RASEF: variants seen among roughly 807,000 people sequenced by gnomAD.
The protein encoded by RASEF is RAS and EF-hand domain containing, also known as ras and EF-hand domain-containing protein.
In RASEF, 68 loss-of-function variants were observed where a neutral mutation model predicts 90.1. The ratio of observed to expected loss-of-function variants is 0.75; its 90% confidence interval spans 0.62 to 0.92. RASEF has a LOEUF of 0.92. Among genes scored for constraint, RASEF ranks in the 40% least tolerant of loss-of-function variants. The pLI, the probability that RASEF is intolerant of heterozygous loss-of-function variation, is 0.00. For synonymous variants in RASEF, 331 were observed against 345.2 expected, an observed-to-expected ratio of 0.96 and a Z score of 0.46; for missense variants, 949 against 937.2, an observed-to-expected ratio of 1.01 and a Z score of -0.16.
At chr9:83,097,754 G>T in the RASEF span, among the ~76,000 whole-genome samples, 1 of 152,280 alleles carries the variant, frequency 6.6e-6, no homozygotes, top group East Asian at 1.9e-4. Context: ...AGGTCTTTCT[G>T]CACACAGAGG....
the RASEF span, among the ~76,000 whole-genome samples, chr9:83,093,847 C>T: frequency 6.6e-6 from 1 of 152,238 alleles, no homozygotes; most frequent in Non-Finnish European, 1.5e-5. Context: ...GGTGTGAGGA[C>T]TGCCAGCACG....
the RASEF span, among the ~76,000 whole-genome samples, chr9:83,090,384 TC>T: frequency 6.6e-6 from 1 of 152,010 alleles, no homozygotes; most frequent in East Asian, 1.9e-4. Context: ...CTGCTTTCTT[TC>T]CCCTGTGTGT....
upstream of RASEF, among the ~76,000 whole-genome samples, chr9:83,067,867 TTTATTTA>T (rs1482855204): frequency 6.6e-6 from 1 of 152,168 alleles, no homozygotes; most frequent in Non-Finnish European, 1.5e-5. Context: ...GTTTGTGTTT[TTTATTTA>T]TTATTTATGT....
At chr9:83,113,842 A>G in the RASEF span, among the ~76,000 whole-genome samples, 1 of 152,334 alleles carries the variant, frequency 6.6e-6, no homozygotes, top group Admixed American at 6.5e-5. Context: ...GACCCTCATC[A>G]GTAATTCTAA....
At chr9:83,063,277 G>A (rs192340016), upstream of RASEF, 18 of 189,540 alleles carry the variant, frequency 9.5e-5, no homozygotes, top group Admixed American at 1.3e-4. Flanking sequence ...CCGCGCAGGT[G>A]GGGGAGACCT....
At chr9:83,039,220 G>C (rs1829795578) in intron 1 of RASEF, among the ~76,000 whole-genome samples, 1 of 152,064 alleles carries the variant, frequency 6.6e-6, no homozygotes, top group African/African-American at 2.4e-5. Flanking sequence ...GAATACTCCA[G>C]TCACAGGGAA....
At position 83,015,828 on chromosome 9, in the gene RASEF, C is replaced by T. The variant is rs147180312; in HGVS notation, c.742G>A (p.Val248Met). ...QYETEVGDLQ[V>M]TIKKLRKLEE... ...ACCTTTCTTAGCTTTTTAATGGTCACCTGCAGATCTCCTACTTCAGTTTCA... is the reference window on the plus strand; with the variant it reads ...ACCTTTCTTAGCTTTTTAATGGTCATCTGCAGATCTCCTACTTCAGTTTCA... The change falls in exon 4 of 17, where the codon GTG becomes ATG. Residue 248 changes from valine (V) to methionine (M), a missense_variant. Val to Met is a conservative substitution (Grantham distance 21). Coordinates refer to ENST00000376447, the MANE Select transcript of RASEF (RefSeq NM_152573.4). 6 of 1,613,702 alleles carry T rather than the reference C, an allele frequency of 3.7e-6. No individual in the cohort carries two copies. Among genetic ancestry groups the T allele is most frequent in the Non-Finnish European group, 5.1e-6 (6 of 1,179,750 alleles).
intron 5 of RASEF, among the ~76,000 whole-genome samples, chr9:83,011,408 G>A (rs1027679977): frequency 1.8e-4 from 28 of 151,628 alleles, no homozygotes; most frequent in African/African-American, 6.5e-4. Context: ...AAAATTTAGC[G>A]GGGCGTGGTG....
chr9:83,001,787 A>T (rs573651310), intron 9 of RASEF, among the ~76,000 whole-genome samples: 2 of 152,352 alleles, frequency 1.3e-5, no homozygotes, highest in Admixed American at 6.5e-5. Context: ...GCAATTAGAA[A>T]CATCTGATAA....
At chr9:83,152,665 A>G in the RASEF span, among the ~76,000 whole-genome samples, 1 of 152,224 alleles carries the variant, frequency 6.6e-6, no homozygotes, top group African/African-American at 2.4e-5. Context: ...ATGTTCTAAC[A>G]TACTGAAAAT....
chr9:83,085,839 C>T, the RASEF span, among the ~76,000 whole-genome samples: 1 of 151,884 alleles, frequency 6.6e-6, no homozygotes, highest in African/African-American at 2.4e-5. Context: ...ACAGAAGAAT[C>T]GCTGGAATCC....
chr9:83,118,276 A>C, the RASEF span, among the ~76,000 whole-genome samples: 1 of 152,180 alleles, frequency 6.6e-6, no homozygotes, highest in African/African-American at 2.4e-5. Context: ...GTTTAAAAAA[A>C]AAAAGTTATA....
At chr9:82,983,512 C>T (rs890234550) in intron 16 of RASEF, among the ~76,000 whole-genome samples, 22 of 152,102 alleles carry the variant, frequency 1.4e-4, no homozygotes, top group African/African-American at 5.1e-4. Flanking sequence ...AGAAGTCTCA[C>T]CTTAGACAAG....
the RASEF span, among the ~76,000 whole-genome samples, chr9:83,086,294 G>A: frequency 1.3e-5 from 2 of 152,040 alleles, no homozygotes; most frequent in Non-Finnish European, 2.9e-5. Flanking sequence ...TTATAAGGAA[G>A]CAACTCAGAG....
At chr9:83,198,453 C>T in the RASEF span, among the ~76,000 whole-genome samples, 1 of 152,138 alleles carries the variant, frequency 6.6e-6, no homozygotes, top group Non-Finnish European at 1.5e-5. Context: ...TCTGCATGTC[C>T]TTACACATGG....
At chr9:83,006,848 C>T (rs901096472) in intron 7 of RASEF, among the ~76,000 whole-genome samples, 1 of 152,160 alleles carries the variant, frequency 6.6e-6, no homozygotes, top group African/African-American at 2.4e-5. Context: ...CATCCCAGCA[C>T]TTTGGGAGGC....
rs1830228879 is a variant in RASEF at position 83,062,553 on chromosome 9, GTCC to G, written c.312_314del (p.Glu104del). On this transcript the variant is annotated inframe_deletion, in exon 1 of 17. Coordinates refer to ENST00000376447, the MANE Select transcript of RASEF (RefSeq NM_152573.4). ...CCGCCGCCGCGTCCTCGTCGCCTTC[GTCC>G]TCCTCGCTGTCGTGTGTCTCCGGCC... 1.2e-6 allele frequency: 2 copies of G among 1,601,030 alleles called. No individual in the cohort carries two copies. The highest frequency in any genetic ancestry group is 1.7e-5 in the Admixed American group (1 of 58,940).
At chr9:83,188,482 G>C in the RASEF span, among the ~76,000 whole-genome samples, 1 of 152,180 alleles carries the variant, frequency 6.6e-6, no homozygotes, top group Non-Finnish European at 1.5e-5. Flanking sequence ...CGCAACAGAA[G>C]GGAAAATATG....
At chr9:83,072,803 C>T in the RASEF span, among the ~76,000 whole-genome samples, 2 of 152,184 alleles carry the variant, frequency 1.3e-5, no homozygotes, top group African/African-American at 4.8e-5. Context: ...GTCTGCCTCT[C>T]CCAGTCCACT....
Sources: gnomAD v4.1 joint callset for allele counts (sites outside exome capture counted in the v4.1 genomes callset) on GRCh38, gnomAD v4.1.1 for gene constraint, MANE v1.5 for transcripts, NCBI Gene and HGNC (gene_info 2026-07-23, HGNC 2026-07-21) for gene names.